C5orf46: variants seen among roughly 807,000 people sequenced by gnomAD.
The protein encoded by C5orf46 is chromosome 5 open reading frame 46.
In C5orf46, 9 loss-of-function variants were observed where a neutral mutation model predicts 8.9. The observed-to-expected ratio is 1.01, with a 90% CI of 0.61 to 1.76. C5orf46 has a LOEUF of 1.76. C5orf46 is among the 40% of genes most tolerant of loss of function. The probability of loss-of-function intolerance (pLI) is 0.00; values close to 1 mark genes in which losing one functional copy is unlikely to be tolerated. For synonymous variants in C5orf46, 47 were observed against 41.4 expected, an observed-to-expected ratio of 1.14 and a Z score of -0.52; for missense variants, 98 against 107.8, an observed-to-expected ratio of 0.91 and a Z score of 0.40.
chr5:147,902,079 A>G (rs1757680974), intron 1 of C5orf46, among the ~76,000 whole-genome samples: 1 of 152,190 alleles, frequency 6.6e-6, no homozygotes, highest in African/African-American at 2.4e-5. Context: ...AGCAGCCAGT[A>G]AGTGCCAGTG....
chr5:147,897,903 A>C (rs943920400), intron 2 of C5orf46, among the ~76,000 whole-genome samples: 1 of 152,162 alleles, frequency 6.6e-6, no homozygotes, highest in Non-Finnish European at 1.5e-5. Context: ...ACCTGCTTTA[A>C]AATGAAACTC....
intron 3 of C5orf46, among the ~76,000 whole-genome samples, 199 bp from the exon 4 acceptor site, chr5:147,893,138 A>G (rs1005294497): frequency 3.3e-5 from 5 of 152,228 alleles, no homozygotes; most frequent in African/African-American, 9.6e-5. Flanking sequence ...GCAAAAATTC[A>G]GAGTATATAA....
At chr5:147,899,186 A>G (rs1018928212) in intron 2 of C5orf46, among the ~76,000 whole-genome samples, 1 of 152,120 alleles carries the variant, frequency 6.6e-6, no homozygotes, top group Non-Finnish European at 1.5e-5. Flanking sequence ...ACTCATTTTT[A>G]TTTATGGCAT....
chr5:147,892,566 C>CTGGGCT (rs922831161), downstream of C5orf46: 1 of 152,114 alleles, frequency 6.6e-6, no homozygotes, highest in African/African-American at 2.4e-5. Context: ...GCTACATTAT[C>CTGGGCT]TGGGCTTTAG....
chr5:147,894,772 G>A (rs1386182590), intron 3 of C5orf46, among the ~76,000 whole-genome samples: 2 of 151,812 alleles, frequency 1.3e-5, no homozygotes, highest in Admixed American at 6.6e-5. Flanking sequence ...AAAAAAAAGG[G>A]AGGGATCGGC....
At chr5:147,902,406 G>A (rs76968806) in intron 1 of C5orf46, among the ~76,000 whole-genome samples, 3,032 of 152,248 alleles carry the variant, frequency 0.02, 77 homozygotes, top group East Asian at 0.11. Context: ...AGCCATGATC[G>A]TTCCACTGCA....
downstream of C5orf46, among the ~76,000 whole-genome samples, chr5:147,890,789 C>G (rs13355947): frequency 0.034 from 5,230 of 152,158 alleles, 296 homozygotes; most frequent in African/African-American, 0.12. Flanking sequence ...AAAGAGAAAG[C>G]TAATGAGTAG....
downstream of C5orf46, among the ~76,000 whole-genome samples, chr5:147,888,677 A>G (rs933095902): frequency 2.0e-5 from 3 of 152,144 alleles, no homozygotes; most frequent in Non-Finnish European, 4.4e-5. Context: ...CATCTGTGAC[A>G]GCTTCCAAGA....
At position 147,903,515 on chromosome 5, in the gene C5orf46, G is replaced by T. The variant is rs140021431; in HGVS notation, c.71-1742C>A. Among the ~76,000 whole-genome samples, 544 of 152,258 alleles carry T rather than the reference G, an allele frequency of 3.6e-3. 4 individuals are homozygous for T. Among genetic ancestry groups the T allele is most frequent in the African/African-American group, 0.013 (527 of 41,544 alleles). On this transcript the variant is annotated intron_variant, in intron 1 of 3. Coordinates refer to ENST00000318315, the MANE Select transcript of C5orf46 (RefSeq NM_206966.3). ...AGATGTAACTACCTTTTGTGTGGAGGCTGCCAAATTATGTCAGAAACTTTA... is the reference window on the plus strand; with the variant it reads ...AGATGTAACTACCTTTTGTGTGGAGTCTGCCAAATTATGTCAGAAACTTTA...
intron 2 of C5orf46, chr5:147,886,290 A>T (rs946869453): frequency 5.9e-5 from 9 of 152,224 alleles, no homozygotes; most frequent in Non-Finnish European, 1.2e-4. Flanking sequence ...ACTGGTTTTG[A>T]TGTAGCAGCA....
chr5:147,896,045 T>C (rs1446144740), intron 3 of C5orf46, among the ~76,000 whole-genome samples: 1 of 152,212 alleles, frequency 6.6e-6, no homozygotes, highest in Admixed American at 6.5e-5. Context: ...TTCCTGAATA[T>C]GCAGATAAAG....
intron 3 of C5orf46, among the ~76,000 whole-genome samples, chr5:147,895,793 A>T (rs1757570543): frequency 6.6e-6 from 1 of 152,196 alleles, no homozygotes; most frequent in African/African-American, 2.4e-5. Flanking sequence ...GACTGAGTTT[A>T]AAAGCTTAAT....
intron 3 of C5orf46, among the ~76,000 whole-genome samples, chr5:147,893,281 CTTTT>C (rs768391434): frequency 7.8e-6 from 1 of 127,656 alleles, no homozygotes; most frequent in Admixed American, 7.9e-5. Context: ...TCACATAAAT[CTTTT>C]TTTTTTTTTT....
chr5:147,886,598 C>A (rs979612804), intron 2 of C5orf46: 2 of 150,800 alleles, frequency 1.3e-5, no homozygotes, highest in Non-Finnish European at 3.0e-5. Flanking sequence ...TAGAGGAAAC[C>A]ACTGTTCACA....
At chr5:147,905,709 ATAG>A (rs1757741250) in intron 1 of C5orf46, among the ~76,000 whole-genome samples, 1 of 152,168 alleles carries the variant, frequency 6.6e-6, no homozygotes, top group African/African-American at 2.4e-5. Context: ...TTGCTCGATA[ATAG>A]TAGAAAGAAT....
chr5:147,897,462 T>G (rs867606145), intron 2 of C5orf46, among the ~76,000 whole-genome samples: 2 of 152,194 alleles, frequency 1.3e-5, no homozygotes, highest in Non-Finnish European at 1.5e-5. Flanking sequence ...ACATGGCTGG[T>G]AAGTTACAAA....
intron 3 of C5orf46, among the ~76,000 whole-genome samples, chr5:147,894,872 A>C (rs1757557163): frequency 6.6e-6 from 1 of 152,024 alleles, no homozygotes; most frequent in Non-Finnish European, 1.5e-5. Flanking sequence ...CATCATGGCC[A>C]ACATGGTGAA....
At chr5:147,899,338 C>G (rs1188227643) in intron 2 of C5orf46, among the ~76,000 whole-genome samples, 1 of 152,180 alleles carries the variant, frequency 6.6e-6, no homozygotes, top group Non-Finnish European at 1.5e-5. Context: ...GACGTCTCCT[C>G]CTATCCTCCA....
chr5:147,890,688 A>T (rs71580459), downstream of C5orf46, among the ~76,000 whole-genome samples: 562 of 152,210 alleles, frequency 3.7e-3, 3 homozygotes, highest in Non-Finnish European at 6.6e-3. Flanking sequence ...AGAGTAATTT[A>T]GGCACAGGGA....
Sources: allele counts gnomAD v4.1 joint callset (sites outside exome capture counted in the v4.1 genomes callset), GRCh38; gene constraint gnomAD v4.1.1; transcripts MANE v1.5; gene names NCBI Gene and HGNC (gene_info 2026-07-23, HGNC 2026-07-21).